Variants in BANP observed in about 807,000 individuals in gnomAD.
The protein encoded by BANP is protein BANP.
BANP carries 11 observed loss-of-function variants against 68.1 expected under a neutral mutation model. The ratio of observed to expected loss-of-function variants is 0.16; its 90% confidence interval spans 0.10 to 0.27. The LOEUF is 0.27. Ranked by LOEUF, BANP falls within the 10% of genes least tolerant of loss-of-function variation. The pLI is 1.00. For missense variants in BANP, 504 were observed against 722.7 expected (o/e 0.70, Z 3.47); for synonymous variants, 329 against 303.2 (o/e 1.09, Z -0.88).
intron 4 of BANP, among the ~76,000 whole-genome samples, chr16:87,993,074 T>A (rs1481574290): frequency 6.6e-6 from 1 of 152,220 alleles, no homozygotes; most frequent in Non-Finnish European, 1.5e-5. Flanking sequence ...TTGGAATTTG[T>A]CTCCTGACTA....
chr16:87,968,191 G>A (rs2060439151), intron 1 of BANP, among the ~76,000 whole-genome samples: 1 of 151,660 alleles, frequency 6.6e-6, no homozygotes, highest in Non-Finnish European at 1.5e-5. Flanking sequence ...GTTTCATTAG[G>A]AAATTTAGTT....
chr16:88,040,501 G>A (rs1341037132), intron 11 of BANP, among the ~76,000 whole-genome samples: 1 of 150,644 alleles, frequency 6.6e-6, no homozygotes, highest in Non-Finnish European at 1.5e-5. Context: ...CGAGCAGTGC[G>A]GGGGTCACAC....
intron 4 of BANP, among the ~76,000 whole-genome samples, chr16:87,999,855 T>A (rs1598302465): frequency 2.4e-5 from 1 of 41,046 alleles, no homozygotes; most frequent in Non-Finnish European, 4.5e-5. Context: ...TCCAGACACG[T>A]CTCCATGCAC....
chr16:87,997,732 C>T (rs1005363816), intron 4 of BANP, among the ~76,000 whole-genome samples: 3 of 152,204 alleles, frequency 2.0e-5, no homozygotes, highest in Non-Finnish European at 4.4e-5. Context: ...ACCATGTGTT[C>T]GTGGTAAAGT....
chr16:88,038,612 C>A (rs1038277224), intron 11 of BANP, among the ~76,000 whole-genome samples: 2 of 152,174 alleles, frequency 1.3e-5, no homozygotes, highest in Admixed American at 6.5e-5. Flanking sequence ...AACTTGCCAG[C>A]TTTCTAATCC....
At chr16:88,023,653 GCT>G (rs1288190356) in intron 7 of BANP, among the ~76,000 whole-genome samples, 1 of 152,184 alleles carries the variant, frequency 6.6e-6, no homozygotes, top group South Asian at 2.1e-4. Context: ...AGCCCTCCTG[GCT>G]CTCTCATCTC....
chr16:88,042,535 G>A (rs981089582), intron 11 of BANP, among the ~76,000 whole-genome samples: 4 of 152,218 alleles, frequency 2.6e-5, no homozygotes, highest in African/African-American at 4.8e-5. Context: ...ACATGCTGTC[G>A]TGCCCCACTG....
intron 8 of BANP, among the ~76,000 whole-genome samples, chr16:88,032,900 T>G (rs1467436292): frequency 6.6e-6 from 1 of 152,226 alleles, no homozygotes; most frequent in Non-Finnish European, 1.5e-5. Flanking sequence ...CAGGCCCTTT[T>G]GCATTCCATG....
intron 12 of BANP, among the ~76,000 whole-genome samples, chr16:88,066,746 C>T (rs1263066479): frequency 1.3e-5 from 2 of 152,080 alleles, no homozygotes; most frequent in African/African-American, 4.8e-5. Context: ...TTTTTTCCCC[C>T]AGAAAGGTGC....
At chr16:88,009,825 A>G (rs2072506707) in intron 6 of BANP, among the ~76,000 whole-genome samples, 2 of 147,650 alleles carry the variant, frequency 1.4e-5, no homozygotes, top group Admixed American at 1.3e-4. Flanking sequence ...TCTCATTAGA[A>G]TAAGAAGGAC....
chr16:88,040,107 G>C (rs2080380708), intron 11 of BANP, among the ~76,000 whole-genome samples: 1 of 152,194 alleles, frequency 6.6e-6, no homozygotes, highest in African/African-American at 2.4e-5. Context: ...TGCCACTCAG[G>C]GTAGCGGGCG....
chr16:88,067,968 C>T (rs2089208583), intron 12 of BANP, among the ~76,000 whole-genome samples: 3 of 152,246 alleles, frequency 2.0e-5, no homozygotes, highest in Non-Finnish European at 2.9e-5. Flanking sequence ...CCAACAGACC[C>T]GCCCTCCCCC....
In BANP at chr16:88,002,568, G is replaced by A. The variant is rs2069715836; in HGVS notation, c.363-1727G>A. Reference sequence around the variant, plus strand: ...TCATCTTTAGGCAACAGGACATTCTGGAAGGTGGGGATCTGGAGACTGCGT... The same window carrying A: ...TCATCTTTAGGCAACAGGACATTCTAGAAGGTGGGGATCTGGAGACTGCGT... On this transcript the variant is annotated intron_variant, in intron 4 of 13. Coordinates refer to ENST00000682872, the MANE Select transcript of BANP (RefSeq NM_001386991.1). This position sits in a 1 kb window ranked among gnomAD's most constrained non-coding sequence, Gnocchi z 4.6. Among the ~76,000 whole-genome samples the A allele has an allele frequency of 6.6e-6, 1 of 152,126 alleles. No individual in the cohort carries two copies. The highest frequency in any genetic ancestry group is 1.5e-5 in the Non-Finnish European group (1 of 68,018).
chr16:87,988,877 G>A (rs2065158211), intron 4 of BANP, among the ~76,000 whole-genome samples: 1 of 152,198 alleles, frequency 6.6e-6, no homozygotes, highest in Non-Finnish European at 1.5e-5. Context: ...GCAGCAGCAG[G>A]GGCGTCACTA....
chr16:87,951,421 G>A (rs996677697), upstream of BANP: 1 of 151,606 alleles, frequency 6.6e-6, no homozygotes, highest in Non-Finnish European at 1.5e-5. Flanking sequence ...GGAGGGGCTC[G>A]CGGCGCCTGC....
Position 87,957,471 on chromosome 16 carries a change from G to A in BANP, c.-69+5956G>A, listed in dbSNP as rs1363318581. ...TCCTGTGTGGACCGGGTGGGCTGGTGTGGAGTCCTGTCAGGAGACCTGGGG... is the reference window on the plus strand; with the variant it reads ...TCCTGTGTGGACCGGGTGGGCTGGTATGGAGTCCTGTCAGGAGACCTGGGG... On this transcript the variant is annotated intron_variant, in intron 1 of 13. Transcript: ENST00000682872. The surrounding 1 kb of genome is among the most constrained non-coding windows in gnomAD (Gnocchi z 4.3). Among the ~76,000 whole-genome samples, 2 of 152,236 alleles carry A rather than the reference G, an allele frequency of 1.3e-5. No homozygotes were observed. Among genetic ancestry groups the A allele is most frequent in the Non-Finnish European group, 2.9e-5 (2 of 68,032 alleles).
intron 1 of BANP, among the ~76,000 whole-genome samples, chr16:87,970,365 C>G (rs2060889717): frequency 6.6e-6 from 1 of 152,186 alleles, no homozygotes; most frequent in African/African-American, 2.4e-5. Context: ...ATTAATGAGG[C>G]AGATAGTGTG....
chr16:88,065,843 G>C (rs528495894), intron 12 of BANP, among the ~76,000 whole-genome samples: 1 of 152,238 alleles, frequency 6.6e-6, no homozygotes, highest in South Asian at 2.1e-4. Context: ...CTGATCCCGG[G>C]AGGCCCACAG....
rs752360975 is a variant in BANP, at chr16:88,018,466, A to G, written c.694A>G (p.Asn232Asp). 2 of 1,613,250 alleles carry G rather than the reference A, an allele frequency of 1.2e-6. No individual in the cohort carries two copies. The change falls in exon 7 of 14, where the codon AAC becomes GAC. Residue 232 changes from asparagine to aspartate, a missense_variant. Asn to Asp is a conservative substitution (Grantham distance 23). Around this residue, in one of 3 missense-constraint regions of BANP, gnomAD observed 43 missense variants for 197.7 expected, o/e 0.22. Transcript: ENST00000682872. This position sits in a 1 kb window ranked among gnomAD's most constrained non-coding sequence, Gnocchi z 7.7. ...PNGTWLGDENNPEMRVRCAII... is the reference protein window; with the variant it reads ...PNGTWLGDENDPEMRVRCAII... ...TGGCACCTGGCTGGGCGACGAGAAC[A>G]ACCCCGAGATGCGGGTACGCTGCGC...
Sources: gnomAD v4.1 joint callset for allele counts (sites outside exome capture counted in the v4.1 genomes callset) on GRCh38, gnomAD v4.1.1 for gene constraint, gnomAD v4.1.1 regional missense constraint, Gnocchi (gnomAD v3.1) non-coding constraint, MANE v1.5 for transcripts, NCBI Gene and HGNC (gene_info 2026-07-23, HGNC 2026-07-21) for gene names.